Variants in HMBOX1 observed in about 807,000 individuals in gnomAD.
The protein encoded by HMBOX1 is homeobox-containing protein 1.
Under a neutral mutation model 54.5 loss-of-function variants are expected in HMBOX1, and 14 were observed. That is an observed-to-expected ratio of 0.26 (90% CI 0.17 to 0.40). HMBOX1 has a LOEUF of 0.40. HMBOX1 is among the 10% of genes least tolerant of loss of function. HMBOX1 has a pLI of 1.00. For missense variants in HMBOX1, 332 were observed against 514.4 expected (o/e 0.65, Z 3.43); for synonymous variants, 160 against 181.0 (o/e 0.88, Z 0.93).
At chr8:28,999,458 T>C (rs958224427) in intron 4 of HMBOX1, among the ~76,000 whole-genome samples, 7 of 152,202 alleles carry the variant, frequency 4.6e-5, no homozygotes, top group Admixed American at 3.9e-4. Context: ...TTGGTCACTA[T>C]TTTTTCAAAA....
chr8:29,031,348 T>C (rs1469314197), intron 6 of HMBOX1, among the ~76,000 whole-genome samples: 1 of 152,150 alleles, frequency 6.6e-6, no homozygotes, highest in Non-Finnish European at 1.5e-5. Flanking sequence ...TAGAATATCA[T>C]TGTAAGATGA....
intron 1 of HMBOX1, among the ~76,000 whole-genome samples, chr8:28,910,991 C>T (rs1367546174): frequency 2.6e-5 from 4 of 152,162 alleles, no homozygotes; most frequent in African/African-American, 9.7e-5. Flanking sequence ...AGTTCACTTG[C>T]TTAGTGATGC....
At chr8:28,962,751 C>G (rs1294471268) in intron 1 of HMBOX1, among the ~76,000 whole-genome samples, 1 of 152,180 alleles carries the variant, frequency 6.6e-6, no homozygotes, top group Non-Finnish European at 1.5e-5. Context: ...CTAGTTCTCT[C>G]TAACCTGAAT....
chr8:28,909,833 C>T (rs950163087), intron 1 of HMBOX1, among the ~76,000 whole-genome samples: 2 of 151,984 alleles, frequency 1.3e-5, no homozygotes, highest in African/African-American at 2.4e-5. Flanking sequence ...CAAAACACCA[C>T]GACAATCCAA....
chr8:29,026,380 T>C (rs1350058903), intron 6 of HMBOX1, among the ~76,000 whole-genome samples: 1 of 152,034 alleles, frequency 6.6e-6, no homozygotes, highest in Admixed American at 6.6e-5. Flanking sequence ...GGGTGGGGGA[T>C]GTGATGGCTA....
In HMBOX1 at chr8:29,011,188, T is replaced by C. The variant is rs147832866; in HGVS notation, c.697+2006T>C. Among the ~76,000 whole-genome samples, 455 of 152,340 alleles carry C rather than the reference T, an allele frequency of 3.0e-3. 1 individual carries two copies. The highest frequency in any genetic ancestry group is 0.01 in the African/African-American group (431 of 41,568). On this transcript the variant is annotated intron_variant, in intron 5 of 9. Transcript: ENST00000287701. Reference sequence around the variant, plus strand: ...TGAGTATGGTTTTCACTTAAAAAATTCTTTCACTATTGTATGTTTGAAAAT... The same window carrying C: ...TGAGTATGGTTTTCACTTAAAAAATCCTTTCACTATTGTATGTTTGAAAAT...
At chr8:28,992,927 C>T (rs2132624105) in intron 4 of HMBOX1, among the ~76,000 whole-genome samples, 1 of 141,006 alleles carries the variant, frequency 7.1e-6, no homozygotes, top group East Asian at 2.3e-4. Context: ...AATCTCCTTT[C>T]TGTGTTCCTC....
At chr8:28,957,278 C>T (rs758111464) in intron 1 of HMBOX1, among the ~76,000 whole-genome samples, 1 of 152,180 alleles carries the variant, frequency 6.6e-6, no homozygotes, top group African/African-American at 2.4e-5. Context: ...TACAGCTGGA[C>T]TCCATTATCC....
intron 1 of HMBOX1, among the ~76,000 whole-genome samples, chr8:28,904,478 G>A (rs529070320): frequency 1.3e-5 from 2 of 152,004 alleles, no homozygotes; most frequent in South Asian, 2.1e-4. Context: ...TGATCCGCCC[G>A]CCTAGGCCTC....
At chr8:29,045,768 A>G (rs1805481330) in intron 7 of HMBOX1, among the ~76,000 whole-genome samples, 1 of 152,258 alleles carries the variant, frequency 6.6e-6, no homozygotes, top group Non-Finnish European at 1.5e-5. Context: ...AAATAATGTT[A>G]AAGTTTTAAA....
chr8:28,902,233 C>T (rs1167105739), intron 1 of HMBOX1, among the ~76,000 whole-genome samples: 2 of 152,150 alleles, frequency 1.3e-5, no homozygotes, highest in African/African-American at 4.8e-5. Flanking sequence ...TCTGGTACCC[C>T]TGTCGCTGGT....
intron 7 of HMBOX1, 84 bp downstream of exon 7, chr8:29,045,527 G>C: frequency 9.4e-7 from 1 of 1,068,012 alleles, no homozygotes; most frequent in South Asian, 1.3e-5. Flanking sequence ...AATCTTATGC[G>C]TGCCTTGGCA....
intron 6 of HMBOX1, among the ~76,000 whole-genome samples, chr8:29,034,152 C>T (rs1803457281): frequency 1.3e-5 from 2 of 152,146 alleles, no homozygotes; most frequent in Admixed American, 6.5e-5. Context: ...TTGGTAGGAT[C>T]TGAACTTGTT....
intron 1 of HMBOX1, among the ~76,000 whole-genome samples, chr8:28,930,162 C>G (rs1263609829): frequency 6.6e-6 from 1 of 151,916 alleles, no homozygotes; most frequent in Non-Finnish European, 1.5e-5. Flanking sequence ...ATGTCTGAAC[C>G]AGACTCTTTA....
chr8:29,049,099 T>TA, intron 9 of HMBOX1, 51 bp downstream of exon 9: 1 of 1,555,878 alleles, frequency 6.4e-7, no homozygotes, highest in Non-Finnish European at 8.9e-7. Context: ...GCAGGGGGTA[T>TA]AGTGGGACAG....
At chr8:28,998,955 A>G (rs1832249340) in intron 4 of HMBOX1, among the ~76,000 whole-genome samples, 1 of 152,148 alleles carries the variant, frequency 6.6e-6, no homozygotes, top group African/African-American at 2.4e-5. Context: ...TTGTGTGCCC[A>G]TCAACTTAGA....
intron 2 of HMBOX1, among the ~76,000 whole-genome samples, chr8:28,964,496 A>G (rs923110111): frequency 3.3e-5 from 5 of 152,192 alleles, no homozygotes; most frequent in Non-Finnish European, 7.4e-5. Flanking sequence ...CCTTTGAATA[A>G]AAGTATTCCG....
At chr8:28,896,655 A>G (rs1812172240) in intron 1 of HMBOX1, among the ~76,000 whole-genome samples, 1 of 124,826 alleles carries the variant, frequency 8.0e-6, no homozygotes, top group Non-Finnish European at 2.0e-5. Context: ...AGGTTTAGAA[A>G]CACAGATACT....
chr8:28,945,265 C>T (rs1007514296), intron 1 of HMBOX1, among the ~76,000 whole-genome samples: 2 of 152,128 alleles, frequency 1.3e-5, no homozygotes, highest in African/African-American at 4.8e-5. Context: ...TATCATTGTC[C>T]ACAATTTACA....
Sources: allele counts gnomAD v4.1 joint callset (sites outside exome capture counted in the v4.1 genomes callset), GRCh38; gene constraint gnomAD v4.1.1; transcripts MANE v1.5; gene names NCBI Gene and HGNC (gene_info 2026-07-23, HGNC 2026-07-21).